Variants in CPVL observed in about 807,000 individuals in gnomAD.
CPVL encodes probable serine carboxypeptidase CPVL.
In CPVL, 51 loss-of-function variants were observed where a neutral mutation model predicts 63.7. The ratio of observed to expected loss-of-function variants is 0.80; its 90% CI spans 0.64 to 1.01. CPVL has a LOEUF of 1.01. Ranked by LOEUF, CPVL falls within the 50% of genes least tolerant of loss-of-function variation. The pLI is 0.00. For missense variants in CPVL, 530 were observed against 573.1 expected, an observed-to-expected ratio of 0.92 and a Z score of 0.77; for synonymous variants, 195 against 206.0, an observed-to-expected ratio of 0.95 and a Z score of 0.46.
chr7:29,023,860 C>A (rs558700664), intron 12 of CPVL, among the ~76,000 whole-genome samples: 1 of 152,214 alleles, frequency 6.6e-6, no homozygotes, highest in South Asian at 2.1e-4. Flanking sequence ...CTACAAAAGT[C>A]AATTCAAAAA....
chr7:29,191,860 C>A (rs1782932895), intron 1 of CPVL: 2 of 152,166 alleles, frequency 1.3e-5, no homozygotes, highest in Admixed American at 1.3e-4. Flanking sequence ...GGTCCCTGAG[C>A]CTACCAAAGA....
At chr7:29,010,019 A>G (rs1369674462) in intron 12 of CPVL, 2 of 152,140 alleles carry the variant, frequency 1.3e-5, no homozygotes, top group African/African-American at 4.8e-5. Context: ...TCTCCCCTAC[A>G]CAGAGATGAT....
chr7:29,109,746 C>T (rs1384546352), intron 3 of CPVL, among the ~76,000 whole-genome samples: 2 of 152,158 alleles, frequency 1.3e-5, no homozygotes, highest in African/African-American at 2.4e-5. Context: ...CATTCTTTCC[C>T]GTTGTGTCTC....
rs1788135686 is a variant in CPVL, at chr7:29,032,611, G to GA, written c.1138-1853dup. Among the ~76,000 whole-genome samples, 3 of 152,130 alleles carry GA rather than the reference G, an allele frequency of 2.0e-5. 1 individual carries two copies. In the South Asian group the frequency reaches 6.2e-4, roughly 31 times the overall value. On this transcript the variant is annotated intron_variant, in intron 11 of 12. Coordinates refer to ENST00000265394, the MANE Select transcript of CPVL (RefSeq NM_031311.5). ...CTTAATTACTTCACCATTCTACGAA[G>GA]ACCTGATTATAGCTGATTAGCAAAG...
intron 5 of CPVL, among the ~76,000 whole-genome samples, chr7:29,163,203 G>C (rs891971567): frequency 6.6e-6 from 1 of 152,050 alleles, no homozygotes; most frequent in Non-Finnish European, 1.5e-5. Flanking sequence ...ATATGAATCT[G>C]TTTCTCCATT....
intron 11 of CPVL, among the ~76,000 whole-genome samples, chr7:29,057,495 A>ATT (rs1181502042): frequency 2.0e-5 from 3 of 152,190 alleles, no homozygotes; most frequent in South Asian, 2.1e-4. Context: ...GAAGTTATTA[A>ATT]TTTTAATGAT....
chr7:29,090,826 G>A (rs919077243), intron 6 of CPVL, among the ~76,000 whole-genome samples: 1 of 152,308 alleles, frequency 6.6e-6, no homozygotes, highest in Admixed American at 6.5e-5. Context: ...ACTGTGAACG[G>A]TAAATGTCTC....
At chr7:29,037,559 AAAAAAAAAAAAAAG>A (rs998578769) in intron 11 of CPVL, among the ~76,000 whole-genome samples, 4 of 147,820 alleles carry the variant, frequency 2.7e-5, no homozygotes, top group Non-Finnish European at 6.0e-5. Flanking sequence ...TCTCAAAAAA[AAAAAAAAAAAAAAG>A]AAAAGAAAAG....
intron 1 of CPVL, among the ~76,000 whole-genome samples, chr7:29,124,270 T>G (rs1041597701): frequency 1.4e-4 from 21 of 152,100 alleles, no homozygotes; most frequent in African/African-American, 5.1e-4. Context: ...CACAGAAAGT[T>G]GAAAAAGAAA....
chr7:28,996,209 A>G (rs1784042983), intron 12 of CPVL: 1 of 208,002 alleles, frequency 4.8e-6, no homozygotes. Context: ...CTGCACTGCA[A>G]GTGTTACCTG....
chr7:29,194,886 C>A, intron 1 of CPVL: 1 of 1,390,758 alleles, frequency 7.2e-7, no homozygotes, highest in Non-Finnish European at 9.3e-7. Flanking sequence ...GCGAGGGCAG[C>A]GGCGGCGGCG....
At chr7:29,090,487 T>C (rs1280637348) in intron 6 of CPVL, among the ~76,000 whole-genome samples, 3 of 152,236 alleles carry the variant, frequency 2.0e-5, no homozygotes, top group Non-Finnish European at 2.9e-5. Context: ...GAGAAAACTA[T>C]AGCAGCACTT....
intron 2 of CPVL, among the ~76,000 whole-genome samples, chr7:29,118,246 T>C (rs945819307): frequency 2.0e-5 from 3 of 152,244 alleles, no homozygotes; most frequent in African/African-American, 7.2e-5. Context: ...AATTTCCTCA[T>C]ATGTGGATTG....
intron 3 of CPVL, among the ~76,000 whole-genome samples, chr7:29,112,034 G>A (rs952016829): frequency 6.6e-6 from 1 of 152,234 alleles, no homozygotes; most frequent in African/African-American, 2.4e-5. Flanking sequence ...GCATAATCTA[G>A]AGGTGAACTA....
chr7:29,048,094 A>G (rs1414436495), intron 11 of CPVL, among the ~76,000 whole-genome samples: 1 of 152,210 alleles, frequency 6.6e-6, no homozygotes, highest in Non-Finnish European at 1.5e-5. Flanking sequence ...AACCTTTTTA[A>G]AGCATAAATC....
At chr7:29,105,492 C>T (rs1310137336) in intron 3 of CPVL, among the ~76,000 whole-genome samples, 2 of 152,190 alleles carry the variant, frequency 1.3e-5, no homozygotes, top group Non-Finnish European at 2.9e-5. Flanking sequence ...GACAGAAAGA[C>T]TGACTGCCTT....
intron 12 of CPVL, among the ~76,000 whole-genome samples, chr7:29,014,646 C>G (rs768736093): frequency 4.1e-4 from 62 of 152,154 alleles, no homozygotes; most frequent in Non-Finnish European, 1.0e-4. Context: ...CCAGCCAAAG[C>G]TAAAACATTT....
chr7:29,052,130 T>G (rs1347102694), intron 11 of CPVL, among the ~76,000 whole-genome samples: 1 of 151,644 alleles, frequency 6.6e-6, no homozygotes, highest in East Asian at 1.9e-4. Flanking sequence ...AATGATACAG[T>G]GGACTTTGGG....
At chr7:29,151,933 C>T (rs1010018321) in intron 5 of CPVL, among the ~76,000 whole-genome samples, 1 of 152,222 alleles carries the variant, frequency 6.6e-6, no homozygotes, top group East Asian at 1.9e-4. Context: ...AAAGGACAAA[C>T]AGATAGTAAA....
Sources: gnomAD v4.1 joint callset for allele counts (sites outside exome capture counted in the v4.1 genomes callset) on GRCh38, gnomAD v4.1.1 for gene constraint, MANE v1.5 for transcripts, NCBI Gene and HGNC (gene_info 2026-07-23, HGNC 2026-07-21) for gene names.